The following MAML2 variants were observed in gnomAD, a reference collection of about 807,000 sequenced individuals.
MAML2 encodes the protein mastermind-like protein 2.
MAML2 carries 22 observed loss-of-function variants against 96.1 expected under a neutral mutation model. That is an observed-to-expected ratio of 0.23 (90% CI 0.16 to 0.33). The LOEUF is 0.33. Ranked by LOEUF, MAML2 falls within the 10% of genes least tolerant of loss-of-function variation. The pLI is 1.00. For missense variants in MAML2, 1,367 were observed against 1,392.4 expected (o/e 0.98, Z 0.29); for synonymous variants, 561 against 521.3 (o/e 1.08, Z -1.04).
chr11:96,291,380 G>C (rs1001119433), intron 1 of MAML2, among the ~76,000 whole-genome samples: 3 of 152,000 alleles, frequency 2.0e-5, no homozygotes, highest in Admixed American at 6.6e-5. Context: ...CCCCACCTTG[G>C]CCTCTCAAAG....
At chr11:96,041,126 T>C (rs1858801308) in intron 2 of MAML2, among the ~76,000 whole-genome samples, 1 of 152,060 alleles carries the variant, frequency 6.6e-6, no homozygotes, top group African/African-American at 2.4e-5. Flanking sequence ...GCTATGAACA[T>C]TCTGAACACA....
At chr11:96,238,574 G>A (rs767503628) in intron 1 of MAML2, among the ~76,000 whole-genome samples, 2 of 152,150 alleles carry the variant, frequency 1.3e-5, no homozygotes, top group African/African-American at 4.8e-5. Flanking sequence ...CTCCTGGATC[G>A]ATAACTTTTT....
At chr11:95,980,061 G>A (rs1033409402) in intron 4 of MAML2, 98 bp from the exon 5 acceptor site, 6 of 906,394 alleles carry the variant, frequency 6.6e-6, no homozygotes, top group South Asian at 1.8e-5. Flanking sequence ...CTGCTTTCAG[G>A]TGTAAGACAA....
chr11:96,065,762 C>T (rs1475436002), intron 2 of MAML2, among the ~76,000 whole-genome samples: 5 of 152,162 alleles, frequency 3.3e-5, no homozygotes, highest in African/African-American at 4.8e-5. Context: ...GGTCACACAG[C>T]TAGGAATTGA....
chr11:95,986,603 T>C (rs1591077887), intron 3 of MAML2, among the ~76,000 whole-genome samples: 1 of 152,314 alleles, frequency 6.6e-6, no homozygotes, highest in South Asian at 2.1e-4. Context: ...ATCTCTTTTT[T>C]ACCTTCGCAT....
At chr11:96,250,580 G>A (rs1382985625) in intron 1 of MAML2, among the ~76,000 whole-genome samples, 2 of 152,090 alleles carry the variant, frequency 1.3e-5, no homozygotes, top group East Asian at 3.9e-4. Flanking sequence ...AGTAGTGCTT[G>A]GTCCATAGTG....
intron 1 of MAML2, among the ~76,000 whole-genome samples, chr11:96,193,400 T>C (rs1473818440): frequency 6.6e-6 from 1 of 152,170 alleles, no homozygotes. Flanking sequence ...GTCTGGGGAA[T>C]AGAAATTGTG....
chr11:96,069,363 T>C (rs1314753072), intron 2 of MAML2, among the ~76,000 whole-genome samples: 2 of 152,306 alleles, frequency 1.3e-5, no homozygotes, highest in African/African-American at 2.4e-5. Flanking sequence ...TTGAAGCATT[T>C]CTATTTTTTA....
intron 1 of MAML2, among the ~76,000 whole-genome samples, chr11:96,166,136 GTCTC>G (rs1210525857): frequency 1.6e-4 from 13 of 83,836 alleles, no homozygotes; most frequent in Admixed American, 5.6e-4. Flanking sequence ...CTCTTTCTCT[GTCTC>G]TCTCTCTCTG....
At chr11:96,238,908 TG>T in intron 1 of MAML2, among the ~76,000 whole-genome samples, 1 of 152,326 alleles carries the variant, frequency 6.6e-6, no homozygotes, top group Non-Finnish European at 1.5e-5. Flanking sequence ...GTAGCCACTT[TG>T]GGTTTCAGAA....
chr11:96,069,235 T>A (rs1005715877), intron 2 of MAML2, among the ~76,000 whole-genome samples: 2 of 152,156 alleles, frequency 1.3e-5, no homozygotes, highest in Non-Finnish European at 2.9e-5. Context: ...GCCTATTTTC[T>A]TCCTTTCCCT....
intron 2 of MAML2, among the ~76,000 whole-genome samples, chr11:96,062,344 T>C (rs1293749912): frequency 1.3e-5 from 2 of 152,200 alleles, no homozygotes; most frequent in Non-Finnish European, 2.9e-5. Context: ...AATAAGCATG[T>C]AGACACTGCA....
intron 1 of MAML2, among the ~76,000 whole-genome samples, chr11:96,228,144 G>A (rs933451701): frequency 1.3e-5 from 2 of 152,124 alleles, no homozygotes; most frequent in African/African-American, 4.8e-5. Flanking sequence ...TCAGGAAGGT[G>A]GGAGAGAAAG....
In MAML2 at chr11:95,978,728, G is replaced by C. The variant is rs774621745; in HGVS notation, c.*220C>G. On this transcript the variant is annotated 3_prime_UTR_variant, in exon 5 of 5. Coordinates refer to ENST00000524717, the MANE Select transcript of MAML2 (RefSeq NM_032427.4). ...ATTGGATACTGTATCCTGGAGTTTA[G>C]ACAGGGAAAAGTGATCCCAATATTT... 3 of 532,504 alleles carry C rather than the reference G, an allele frequency of 5.6e-6. No individual in the cohort carries two copies. Among genetic ancestry groups the C allele is most frequent in the Non-Finnish European group, 9.9e-6 (3 of 303,952 alleles). 33.0% of individuals were successfully genotyped at this position (532,504 alleles called of 1,614,324 possible).
rs768746681 is a variant in MAML2, at chr11:95,985,593, G to T, written c.2393C>A (p.Pro798His). 5 of 1,612,844 alleles carry T rather than the reference G, an allele frequency of 3.1e-6. No homozygotes were observed. ...TCTTCTTTGGTCTTTATAATCTGGA[G>T]GTGGCCTTGACAAATGTCGGTTTAT... is the stretch of plus-strand genomic sequence containing the variant. Reference protein sequence around the residue: ...DQINRHLSRPPPDYKDQRRNV... With the variant: ...DQINRHLSRPHPDYKDQRRNV... The change falls in exon 4 of 5, where the codon CCT (proline) becomes CAT (histidine). Residue 798 changes from proline to histidine, a missense_variant. Coordinates refer to ENST00000524717, the MANE Select transcript of MAML2 (RefSeq NM_032427.4).
chr11:96,227,451 T>C (rs1382499092), intron 1 of MAML2, among the ~76,000 whole-genome samples: 1 of 152,208 alleles, frequency 6.6e-6, no homozygotes, highest in East Asian at 1.9e-4. Flanking sequence ...TCCTCCTGTT[T>C]CAGCCCAGTG....
At chr11:96,123,994 C>T (rs1377012420) in intron 1 of MAML2, among the ~76,000 whole-genome samples, 2 of 147,832 alleles carry the variant, frequency 1.4e-5, no homozygotes, top group South Asian at 2.2e-4. Context: ...CGCTTGACCC[C>T]GGGAGGCGGA....
chr11:96,015,464 T>C (rs1317449140), intron 2 of MAML2, among the ~76,000 whole-genome samples: 2 of 151,574 alleles, frequency 1.3e-5, no homozygotes, highest in Non-Finnish European at 2.9e-5. Context: ...TTGACCATTA[T>C]GGTTTACTGT....
chr11:96,018,635 C>T (rs535532150), intron 2 of MAML2, among the ~76,000 whole-genome samples: 5 of 152,318 alleles, frequency 3.3e-5, no homozygotes, highest in South Asian at 4.1e-4. Context: ...CAAGCTCCGT[C>T]GCCCAGGCTG....
Sources: gnomAD v4.1 joint callset for allele counts (sites outside exome capture counted in the v4.1 genomes callset) on GRCh38, gnomAD v4.1.1 for gene constraint, MANE v1.5 for transcripts, NCBI Gene and HGNC (gene_info 2026-07-23, HGNC 2026-07-21) for gene names.